The following USP20 variants were observed in gnomAD, a reference collection of about 807,000 sequenced individuals.
USP20 encodes ubiquitin carboxyl-terminal hydrolase 20.
Under a neutral mutation model 124.2 loss-of-function variants are expected in USP20, and 80 were observed. The ratio of observed to expected loss-of-function variants is 0.64; its 90% confidence interval spans 0.54 to 0.78. The LOEUF is 0.78. Among genes scored for constraint, USP20 ranks in the 30% least tolerant of loss-of-function variants. The pLI, the probability that USP20 is intolerant of heterozygous loss-of-function variation, is 0.00. For missense variants in USP20, 1,043 were observed against 1,244.4 expected (o/e 0.84, Z 2.44); for synonymous variants, 481 against 512.3 (o/e 0.94, Z 0.83).
In USP20 at chr9:129,875,603, C is replaced by A. The variant is rs2034356472; in HGVS notation, c.2262C>A (p.Val754=). The change falls in exon 21 of 26, where the codon GTC becomes GTA. Residue 754 remains valine, a synonymous_variant. Coordinates refer to ENST00000372429, the MANE Select transcript of USP20 (RefSeq NM_001110303.4). ...HKYHYIDDLV[V]ILPQNVWEHL... is the part of the protein sequence containing the mutation. The stretch of plus-strand genomic sequence containing the variant: ...ACCACTACATCGACGACCTGGTGGT[C>A]ATCCTGCCCCAGAACGTCTGGGAGC... 6.2e-7 allele frequency: 1 copy of A among 1,614,078 alleles called. No homozygotes were observed. Among genetic ancestry groups the A allele is most frequent in the South Asian group, 1.1e-5 (1 of 91,052 alleles).
intron 1 of USP20, among the ~76,000 whole-genome samples, chr9:129,847,128 T>C (rs62586265): frequency 0.14 from 21,847 of 152,082 alleles, 2,064 homozygotes; most frequent in African/African-American, 0.26. Flanking sequence ...TGAGTTGCCG[T>C]TTTTAGTGCA....
In USP20 at chr9:129,868,082, G is replaced by A. The variant is rs745457763; in HGVS notation, c.768G>A (p.Ala256=). Residue 256 remains alanine (A), a synonymous_variant, in exon 11 of 26, where the codon GCG becomes GCA. Coordinates refer to ENST00000372429, the MANE Select transcript of USP20 (RefSeq NM_001110303.4). ...ELKEPVVATV[A]LTEARDSDSS... ...AGGAGCCGGTGGTGGCCACGGTGGC[G>A]CTGACGGAGGCTCGGGACTCAGATT... 49 of 1,613,978 alleles carry A rather than the reference G, an allele frequency of 3.0e-5. No individual in the cohort carries two copies. The highest frequency in any genetic ancestry group is 1.8e-4 in the East Asian group (8 of 44,882).
At chr9:129,870,613 C>A in intron 15 of USP20, 66 bp downstream of exon 15, 1 of 1,540,652 alleles carries the variant, frequency 6.5e-7, no homozygotes, top group East Asian at 2.3e-5. Context: ...GTGCAGACCC[C>A]AGCAGGCCAG....
chr9:129,855,203 G>A (rs189550014), intron 3 of USP20, among the ~76,000 whole-genome samples: 15 of 152,134 alleles, frequency 9.9e-5, no homozygotes, highest in Non-Finnish European at 1.8e-4. Flanking sequence ...AGGCCAAGGC[G>A]GGTGGATCAT....
intron 10 of USP20, among the ~76,000 whole-genome samples, chr9:129,865,969 A>T (rs2033802067): frequency 6.6e-6 from 1 of 152,214 alleles, no homozygotes; most frequent in African/African-American, 2.4e-5. Context: ...ATTTTTTTTA[A>T]ATCTAGAGAA....
Position 129,868,252 on chromosome 9 carries a change from T to G in USP20, c.938T>G (p.Ile313Ser). Residue 313 changes from isoleucine to serine, a missense_variant, in exon 11 of 26, where the codon ATC (isoleucine) becomes AGC (serine). Transcript: ENST00000372429. Reference sequence around the variant, plus strand: ...TCGCAGGCCGAGACGGAGCTGCTGATCCCAGATGAGGCGGGCCGAGCCATC... The same window carrying G: ...TCGCAGGCCGAGACGGAGCTGCTGAGCCCAGATGAGGCGGGCCGAGCCATC... ...GSSQAETELL[I>S]PDEAGRAISE... 1 of 1,613,914 alleles carries G rather than the reference T, an allele frequency of 6.2e-7. No individual in the cohort carries two copies. Among genetic ancestry groups the G allele is most frequent in the Non-Finnish European group, 8.5e-7 (1 of 1,179,928 alleles).
In USP20 at chr9:129,876,160, G is replaced by A. The variant is rs1462592586; in HGVS notation, c.2331G>A (p.Leu777=). 2.5e-6 allele frequency: 4 copies of A among 1,613,438 alleles called. No homozygotes were observed. The highest frequency in any genetic ancestry group is 2.5e-6 in the Non-Finnish European group (3 of 1,179,988). Residue 777 remains leucine, a synonymous_variant, in exon 22 of 26, where the codon CTG becomes CTA. Coordinates refer to ENST00000372429, the MANE Select transcript of USP20 (RefSeq NM_001110303.4). The part of the protein sequence containing the change: ...RFGGGPAVNH[L]YVCSICQVEI... The stretch of plus-strand genomic sequence containing the variant: ...GGGGTGGCCCCGCCGTGAACCACCT[G>A]TACGTGTGCTCCATCTGCCAGGTGG...
At chr9:129,850,511 AC>A (rs1427431367) in intron 2 of USP20, among the ~76,000 whole-genome samples, 1 of 152,078 alleles carries the variant, frequency 6.6e-6, no homozygotes, top group Non-Finnish European at 1.5e-5. Context: ...AGTTTTAGTA[AC>A]TCACGTTCTG....
In USP20 at chr9:129,839,762, G is replaced by A. The variant is rs546155299; in HGVS notation, c.-129+4263G>A. ...GGTTCCTCGCTGGGAGGAGGAGGAT[G>A]TAGCCAGAACCTCTGGGAAAACAAT... is the stretch of plus-strand genomic sequence containing the variant. On this transcript the variant is annotated intron_variant, in intron 1 of 25. Transcript: ENST00000372429. The surrounding 1 kb of genome is among the most constrained non-coding windows in gnomAD (Gnocchi z 4.5). 3.3e-5 allele frequency among the ~76,000 whole-genome samples: 5 copies of A among 152,198 alleles called. No individual in the cohort carries two copies. The highest frequency in any genetic ancestry group is 5.9e-5 in the Non-Finnish European group (4 of 67,982).
chr9:129,858,620 G>C (rs77339429), intron 6 of USP20, 22 bp downstream of exon 6: 27,353 of 1,610,208 alleles, frequency 0.017, 302 homozygotes, highest in East Asian at 0.024. Context: ...GGTGGGCTCT[G>C]TTTGGTTGTT....
At position 129,875,314 on chromosome 9, in the gene USP20, A is replaced by G; in HGVS notation, c.2053A>G (p.Ser685Gly). Residue 685 changes from serine to glycine, a missense_variant, in exon 20 of 26, where the codon AGC becomes GGC. By Grantham distance (56) the Ser-to-Gly change is moderately conservative. Transcript: ENST00000372429. ...CGCCCCCTCCTCACCCCACAGGAAG[A>G]GCAGCGAGGAGGCCATGCGGGAGCG... ...AEGYVLFYRK[S>G]SEEAMRERQQ... 1.2e-6 allele frequency: 2 copies of G among 1,605,538 alleles called. No individual in the cohort carries two copies. Among genetic ancestry groups the G allele is most frequent in the Non-Finnish European group, 1.7e-6 (2 of 1,175,508 alleles).
Position 129,865,505 on chromosome 9 carries a change from C to CTA in USP20, c.690+124_690+125insTA. 3 of 957,670 alleles carry CTA rather than the reference C, an allele frequency of 3.1e-6. No homozygotes were observed. The Admixed American group carries it at 6.0e-5, about 19-fold the overall frequency. The allele number at this position is 957,670 out of a possible 1,614,324, so 59.3% of individuals were successfully genotyped here. On this transcript the variant is annotated intron_variant, in intron 10 of 25. Coordinates refer to ENST00000372429, the MANE Select transcript of USP20 (RefSeq NM_001110303.4). Reference sequence around the variant, plus strand: ...GCACTGGTTGGCAGGTCTCACGGACCAGGCTCTCACTCCTAAGCCCTTCAC... The same window carrying CTA: ...GCACTGGTTGGCAGGTCTCACGGACCTAAGGCTCTCACTCCTAAGCCCTTCAC...
chr9:129,837,011 C>T (rs1014558123), intron 1 of USP20, among the ~76,000 whole-genome samples: 10 of 152,218 alleles, frequency 6.6e-5, no homozygotes, highest in African/African-American at 2.4e-4. Flanking sequence ...GGACCCTCCT[C>T]CTCAGCTGAA....
intron 6 of USP20, among the ~76,000 whole-genome samples, chr9:129,859,985 T>C (rs771445366): frequency 2.0e-5 from 3 of 152,148 alleles, no homozygotes; most frequent in Non-Finnish European, 2.9e-5. Context: ...TGAGCTATAG[T>C]TGTGCTACTG....
At chr9:129,842,545 C>A (rs1273701633) in intron 1 of USP20, among the ~76,000 whole-genome samples, 1 of 151,954 alleles carries the variant, frequency 6.6e-6, no homozygotes. Flanking sequence ...GAGATATGCA[C>A]CCTCTTGTCG....
intron 12 of USP20, 80 bp from the exon 13 acceptor site, chr9:129,869,230 T>G: frequency 6.9e-7 from 1 of 1,443,090 alleles, no homozygotes; most frequent in South Asian, 1.2e-5. Flanking sequence ...CTCCACATCC[T>G]GTCAAAGGAA....
At chr9:129,877,990 T>G (rs1234032465) in intron 22 of USP20, among the ~76,000 whole-genome samples, 1 of 152,088 alleles carries the variant, frequency 6.6e-6, no homozygotes, top group East Asian at 1.9e-4. Flanking sequence ...GAGAATCGCT[T>G]GAACCTGGGA....
chr9:129,872,381 G>T (rs533297290), intron 15 of USP20, among the ~76,000 whole-genome samples: 12 of 152,266 alleles, frequency 7.9e-5, no homozygotes, highest in African/African-American at 2.6e-4. Flanking sequence ...TCGAACTCCT[G>T]ACCTCAAATG....
intron 23 of USP20, 98 bp downstream of exon 23, chr9:129,878,538 C>A: frequency 9.0e-7 from 1 of 1,115,704 alleles, no homozygotes; most frequent in Non-Finnish European, 1.3e-6. Flanking sequence ...CTCCTGCAGG[C>A]CCCATGCCTG....
Sources: allele counts gnomAD v4.1 joint callset (sites outside exome capture counted in the v4.1 genomes callset), GRCh38; gene constraint gnomAD v4.1.1; non-coding constraint Gnocchi (gnomAD v3.1); transcripts MANE v1.5; gene names NCBI Gene and HGNC (gene_info 2026-07-23, HGNC 2026-07-21).